Variants in HSPA14 observed in about 807,000 individuals in gnomAD.
HSPA14 encodes the protein heat shock protein family A (Hsp70) member 14, also known as heat shock 70 kDa protein 14.
Under a neutral mutation model 65.5 loss-of-function variants are expected in HSPA14, and 37 were observed. The ratio of observed to expected loss-of-function variants is 0.56; its 90% CI spans 0.43 to 0.74. The LOEUF is 0.74. Ranked by LOEUF, HSPA14 falls within the 30% of genes least tolerant of loss-of-function variation. The pLI is 0.00. For missense variants in HSPA14, 564 were observed against 607.6 expected (o/e 0.93, Z 0.75); for synonymous variants, 203 against 214.2 (o/e 0.95, Z 0.46).
chr10:14,861,805 A>T (rs1201288411), intron 10 of HSPA14, among the ~76,000 whole-genome samples: 1 of 151,982 alleles, frequency 6.6e-6, no homozygotes, highest in Non-Finnish European at 1.5e-5. Flanking sequence ...CAAGGTCAAG[A>T]GATCTAGACC....
chr10:14,847,215 T>C lies in HSPA14; in HGVS notation c.222-1394T>C, dbSNP rs956913266. ...TTCTGTAAATTCTGTAAAATATCCTTCCTGGCAAATTCTCTTGTCTGGGTG... is the reference window on the plus strand; with the variant it reads ...TTCTGTAAATTCTGTAAAATATCCTCCCTGGCAAATTCTCTTGTCTGGGTG... On this transcript the variant is annotated intron_variant, in intron 3 of 13. Transcript: ENST00000378372. Among the ~76,000 whole-genome samples, 72 of 152,104 alleles carry C rather than the reference T, an allele frequency of 4.7e-4. 1 individual carries two copies.
rs779984248 is a variant in HSPA14 at position 14,840,198 on chromosome 10, CAT to C, written c.221+42_221+43del. The C allele has an allele frequency of 1.4e-5, 14 of 976,214 alleles. No homozygotes were observed. The South Asian group carries it at 3.3e-4, about 23-fold the overall frequency. 60.5% of individuals were successfully genotyped at this position (976,214 alleles called of 1,614,324 possible). A position where few individuals can be genotyped will look rare whatever the true frequency, so the allele number is the denominator to read the frequency against. Reference sequence around the variant, plus strand: ...ATACTTTTAAATATGGTAATAGGAACATGTTCATAAATTCTAAGCATAATGTG... The same window carrying C: ...ATACTTTTAAATATGGTAATAGGAACGTTCATAAATTCTAAGCATAATGTG... On this transcript the variant is annotated intron_variant, in intron 3 of 13. Transcript: ENST00000378372.
chr10:14,855,792 C>CT, intron 9 of HSPA14, 49 bp from the exon 10 acceptor site: 1 of 964,736 alleles, frequency 1.0e-6, no homozygotes, highest in Non-Finnish European at 1.6e-6. Flanking sequence ...TTTTATCTTT[C>CT]TCTTGTCCCT....
At chr10:14,844,144 C>T in intron 3 of HSPA14, 1 of 1,314,066 alleles carries the variant, frequency 7.6e-7, no homozygotes, top group East Asian at 3.6e-5. Context: ...CTGGTTCATC[C>T]TAGCTTTGTC....
rs1833955256 is a variant in HSPA14, at chr10:14,840,177, T to C, written c.221+20T>C. 2 of 1,181,798 alleles carry C rather than the reference T, an allele frequency of 1.7e-6. No homozygotes were observed. The highest frequency in any genetic ancestry group is 5.0e-5 in the East Asian group (2 of 39,788). The allele number at this position is 1,181,798 out of a possible 1,614,324, so 73.2% of individuals were successfully genotyped here. On this transcript the variant is annotated intron_variant, in intron 3 of 13. Coordinates refer to ENST00000378372, the MANE Select transcript of HSPA14 (RefSeq NM_016299.4). ...CAGAAGGTATGGAATCAAATGATAC[T>C]TTTAAATATGGTAATAGGAACATGT...
chr10:14,839,185 T>C (rs1833936106), intron 1 of HSPA14, among the ~76,000 whole-genome samples: 1 of 152,214 alleles, frequency 6.6e-6, no homozygotes, highest in Admixed American at 6.5e-5. Context: ...GAAGAAACGA[T>C]AATCATGAAC....
At chr10:14,864,756 G>A (rs1832790246) in intron 10 of HSPA14, among the ~76,000 whole-genome samples, 1 of 152,174 alleles carries the variant, frequency 6.6e-6, no homozygotes, top group Non-Finnish European at 1.5e-5. Flanking sequence ...CCAAGTCTTT[G>A]CTGTTGTGAA....
chr10:14,862,663 C>G (rs966916154), intron 10 of HSPA14, among the ~76,000 whole-genome samples: 3 of 152,108 alleles, frequency 2.0e-5, no homozygotes, highest in African/African-American at 7.2e-5. Flanking sequence ...GCATGAGCCA[C>G]TGTGCCTGGC....
chr10:14,858,720 G>A (rs1322920961), intron 10 of HSPA14, among the ~76,000 whole-genome samples: 2 of 152,178 alleles, frequency 1.3e-5, no homozygotes, highest in Non-Finnish European at 2.9e-5. Context: ...CCTCTTACGG[G>A]GAACGGGGAG....
At chr10:14,859,100 TCCCTTCTTCC>T (rs2131644121) in intron 10 of HSPA14, among the ~76,000 whole-genome samples, 1 of 152,284 alleles carries the variant, frequency 6.6e-6, no homozygotes, top group Non-Finnish European at 1.5e-5. Flanking sequence ...TGCAGACTTT[TCCCTTCTTCC>T]CCCTTGTTTT....
At chr10:14,865,983 T>C (rs139295102) in intron 10 of HSPA14, among the ~76,000 whole-genome samples, 2,686 of 152,326 alleles carry the variant, frequency 0.018, 78 homozygotes, top group African/African-American at 0.061. Context: ...TATCCTCTTT[T>C]ATTTTGTTGA....
intron 1 of HSPA14, among the ~76,000 whole-genome samples, chr10:14,838,945 G>A (rs1163381177): frequency 6.6e-6 from 1 of 152,174 alleles, no homozygotes. Context: ...TGGCCGCGAG[G>A]TACTTGGAGG....
At chr10:14,857,966 G>A (rs556001233) in intron 10 of HSPA14, among the ~76,000 whole-genome samples, 5 of 151,892 alleles carry the variant, frequency 3.3e-5, no homozygotes, top group South Asian at 2.1e-4. Flanking sequence ...GCTGGGAGGC[G>A]GATTGTGAAG....
intron 10 of HSPA14, among the ~76,000 whole-genome samples, chr10:14,864,280 T>G (rs1832784953): frequency 6.6e-6 from 1 of 150,962 alleles, no homozygotes; most frequent in Middle Eastern, 3.2e-3. Context: ...GTTTTTTTTT[T>G]TTGGTTTTCT....
At position 14,840,079 on chromosome 10, in the gene HSPA14, T is replaced by C; in HGVS notation, c.143T>C (p.Val48Ala). The C allele has an allele frequency of 7.2e-7, 1 of 1,396,350 alleles. No homozygotes were observed. The highest frequency in any genetic ancestry group is 9.6e-7 in the Non-Finnish European group (1 of 1,046,160). The allele number at this position is 1,396,350 out of a possible 1,614,324, so 86.5% of individuals were successfully genotyped here. A position where few individuals can be genotyped will look rare whatever the true frequency, so the allele number is the denominator to read the frequency against. ...ATATATTATTTTTTTTTTCAGATTG[T>C]TGGATTGGCAGCAAAACAAAGTAGA... ...VVAYSENEEI[V>A]GLAAKQSRIR... The change falls in exon 3 of 14, where the codon GTT (valine) becomes GCT (alanine). Residue 48 changes from valine (V) to alanine (A), a missense_variant. By Grantham distance (64) the Val-to-Ala change is moderately conservative (BLOSUM62 0). Transcript: ENST00000378372.
At position 14,842,494 on chromosome 10, in the gene HSPA14, G is replaced by A; in HGVS notation, c.221+2337G>A. 1 of 1,536,148 alleles carries A rather than the reference G, an allele frequency of 6.5e-7. No individual in the cohort carries two copies. The highest frequency in any genetic ancestry group is 1.7e-4 in the Middle Eastern group (1 of 5,990). On this transcript the variant is annotated intron_variant, in intron 3 of 13. Transcript: ENST00000378372. This position sits in a 1 kb window ranked among gnomAD's most constrained non-coding sequence, Gnocchi z 5.2. ...GCCGCTCCAAGTTTAAAGTTCTGAA[G>A]GCATTATATTTAAAGGCCTATGTTG...
intron 3 of HSPA14, among the ~76,000 whole-genome samples, chr10:14,847,871 G>A (rs920488579): frequency 2.6e-5 from 4 of 152,176 alleles, no homozygotes; most frequent in African/African-American, 9.7e-5. Context: ...TTTACAAGAT[G>A]AGTGGGAGGC....
chr10:14,845,595 ATTAT>A, intron 3 of HSPA14: 1 of 909,218 alleles, frequency 1.1e-6, no homozygotes, highest in Non-Finnish European at 1.3e-6. Flanking sequence ...TTCTATTATT[ATTAT>A]TTTTTTTTTT....
intron 6 of HSPA14, 179 bp from the exon 7 acceptor site, chr10:14,851,040 G>A: frequency 2.0e-6 from 1 of 496,064 alleles, no homozygotes; most frequent in Non-Finnish European, 3.5e-6. Context: ...AACAGAAAGT[G>A]ATCTCTTATA....
Sources: allele counts gnomAD v4.1 joint callset (sites outside exome capture counted in the v4.1 genomes callset), GRCh38; gene constraint gnomAD v4.1.1; non-coding constraint Gnocchi (gnomAD v3.1); transcripts MANE v1.5; gene names NCBI Gene and HGNC (gene_info 2026-07-23, HGNC 2026-07-21).